The following SPAG1 variants were observed in gnomAD, a reference collection of about 807,000 sequenced individuals.
The protein encoded by SPAG1 is sperm-associated antigen 1.
Under a neutral mutation model 100.5 loss-of-function variants are expected in SPAG1, and 69 were observed. The ratio of observed to expected loss-of-function variants is 0.69; its 90% CI spans 0.57 to 0.84. SPAG1 has a LOEUF of 0.84. Ranked by LOEUF, SPAG1 falls within the 40% of genes least tolerant of loss-of-function variation. The pLI is 0.00. For synonymous variants in SPAG1, 336 were observed against 411.6 expected, an observed-to-expected ratio of 0.82 and a Z score of 2.22; for missense variants, 955 against 1,133.1, an observed-to-expected ratio of 0.84 and a Z score of 2.26.
intron 15 of SPAG1, chr8:100,233,107 C>G (rs1014604882): frequency 6.8e-6 from 2 of 295,138 alleles, no homozygotes; most frequent in African/African-American, 4.6e-5. Flanking sequence ...CTCAGCCCCA[C>G]TGAATCTGAT....
intron 10 of SPAG1, among the ~76,000 whole-genome samples, chr8:100,205,355 T>C (rs1288375292): frequency 2.0e-5 from 3 of 152,240 alleles, no homozygotes; most frequent in Non-Finnish European, 4.4e-5. Context: ...ACACTGCCTC[T>C]GAGCTGATAC....
chr8:100,168,349 A>T (rs1359023500), intron 3 of SPAG1, among the ~76,000 whole-genome samples: 1 of 151,804 alleles, frequency 6.6e-6, no homozygotes, highest in Non-Finnish European at 1.5e-5. Flanking sequence ...GTGTCTTTAC[A>T]TCCTTTGCCC....
intron 10 of SPAG1, among the ~76,000 whole-genome samples, chr8:100,199,135 T>C (rs1817158499): frequency 6.6e-6 from 1 of 152,246 alleles, no homozygotes; most frequent in Non-Finnish European, 1.5e-5. Flanking sequence ...GTGCATTATT[T>C]TGGAGTGGAA....
chr8:100,201,011 T>G (rs185143867), intron 10 of SPAG1, among the ~76,000 whole-genome samples: 1 of 152,282 alleles, frequency 6.6e-6, no homozygotes, highest in Admixed American at 6.5e-5. Flanking sequence ...TTTCAGATTT[T>G]TTTTCTTTTG....
intron 6 of SPAG1, among the ~76,000 whole-genome samples, chr8:100,184,291 CATTT>C (rs1816493515): frequency 6.6e-6 from 1 of 152,010 alleles, no homozygotes. Context: ...TACTGTAATT[CATTT>C]GTTTTTAATT....
chr8:100,240,499 G>C lies in SPAG1; in HGVS notation c.2377G>C (p.Glu793Gln), dbSNP rs770141769. 1 of 1,614,156 alleles carries C rather than the reference G, an allele frequency of 6.2e-7. No individual in the cohort carries two copies. The highest frequency in any genetic ancestry group is 8.5e-7 in the Non-Finnish European group (1 of 1,180,016). ...EKGGKSSRSPEDPEKLPIAKP... is the reference protein window; with the variant it reads ...EKGGKSSRSPQDPEKLPIAKP... ...GGGAGGCAAAAGCAGCAGGTCACCA[G>C]AAGACCCTGAGAAACTTCCGATAGC... Residue 793 changes from glutamate (E) to glutamine (Q), a missense_variant, in exon 18 of 19, where the codon GAA becomes CAA. Glu to Gln is a conservative substitution (Grantham distance 29). Coordinates refer to ENST00000388798, the MANE Select transcript of SPAG1 (RefSeq NM_003114.5).
intron 10 of SPAG1, among the ~76,000 whole-genome samples, chr8:100,195,119 G>A (rs962759468): frequency 1.3e-5 from 2 of 151,164 alleles, no homozygotes; most frequent in Non-Finnish European, 1.5e-5. Context: ...GAGCCAAGAT[G>A]GTGCCATTGC....
At position 100,240,761 on chromosome 8, in the gene SPAG1, A is replaced by C; in HGVS notation, c.2639A>C (p.Glu880Ala). 6.3e-7 allele frequency: 1 copy of C among 1,596,722 alleles called. No homozygotes were observed. The highest frequency in any genetic ancestry group is 8.5e-7 in the Non-Finnish European group (1 of 1,173,798). Residue 880 changes from glutamate to alanine, a missense_variant, in exon 18 of 19, where the codon GAA becomes GCA. Glu to Ala is a moderately radical substitution (Grantham distance 107). Transcript: ENST00000388798. ...YQHLLYLSKA[E>A]RFKMMLTLIS... ...CATCTTTTATACCTGAGTAAAGCAG[A>C]AAGGTTTAAGGTAAGTGGCTAAGTA...
At chr8:100,184,505 T>G in intron 6 of SPAG1, 123 bp from the exon 7 acceptor site, 1 of 510,852 alleles carries the variant, frequency 2.0e-6, no homozygotes. Flanking sequence ...TTTATTTTCT[T>G]TTGTTTATTT....
intron 10 of SPAG1, among the ~76,000 whole-genome samples, chr8:100,210,179 C>T (rs1817663688): frequency 6.8e-6 from 1 of 147,940 alleles, no homozygotes; most frequent in South Asian, 2.2e-4. Context: ...ACTTCTATTC[C>T]TAGTTTTCTG....
chr8:100,222,168 A>G (rs1399748308), intron 13 of SPAG1, among the ~76,000 whole-genome samples: 1 of 152,078 alleles, frequency 6.6e-6, no homozygotes, highest in Non-Finnish European at 1.5e-5. Context: ...CTTCTCATCT[A>G]TCAGGAGAGG....
intron 14 of SPAG1, among the ~76,000 whole-genome samples, chr8:100,226,780 T>C (rs1266058657): frequency 1.3e-5 from 2 of 152,124 alleles, no homozygotes; most frequent in African/African-American, 2.4e-5. Flanking sequence ...AAGACTGATA[T>C]GTTTAAAATA....
At chr8:100,165,696 A>G (rs1467211743) in intron 2 of SPAG1, 118 bp from the exon 3 acceptor site, 11 of 672,910 alleles carry the variant, frequency 1.6e-5, no homozygotes, top group Non-Finnish European at 2.5e-6. Flanking sequence ...GAGACTGGGA[A>G]GCAGCCCTTG....
intron 8 of SPAG1, among the ~76,000 whole-genome samples, chr8:100,190,306 CTG>C (rs1816759567): frequency 7.0e-6 from 1 of 142,034 alleles, no homozygotes; most frequent in Non-Finnish European, 1.5e-5. Context: ...GAGCAAGACT[CTG>C]TCTCAAAAAA....
At chr8:100,221,668 T>C (rs2919469) in intron 13 of SPAG1, among the ~76,000 whole-genome samples, 103,243 of 152,108 alleles carry the variant, frequency 0.68, 35,764 homozygotes, top group African/African-American at 0.83. Context: ...CAGCAGTTTA[T>C]CTCCAGGCTC....
At chr8:100,209,248 A>G (rs1022331226) in intron 10 of SPAG1, among the ~76,000 whole-genome samples, 2 of 151,728 alleles carry the variant, frequency 1.3e-5, no homozygotes, top group Non-Finnish European at 1.5e-5. Flanking sequence ...TAGACAGCCT[A>G]TTGTGGGACC....
At chr8:100,200,148 C>A (rs1817211591) in intron 10 of SPAG1, among the ~76,000 whole-genome samples, 1 of 152,148 alleles carries the variant, frequency 6.6e-6, no homozygotes, top group Non-Finnish European at 1.5e-5. Context: ...TTCCTGTGTC[C>A]AAGTGTTCTC....
intron 13 of SPAG1, among the ~76,000 whole-genome samples, chr8:100,222,388 T>C (rs1818324526): frequency 6.6e-6 from 1 of 152,228 alleles, no homozygotes; most frequent in Admixed American, 6.5e-5. Flanking sequence ...ATTGTGTTTT[T>C]TCATCTTTGT....
In SPAG1 at chr8:100,213,387, C is replaced by A; in HGVS notation, c.1394C>A (p.Ala465Asp). The A allele has an allele frequency of 6.9e-7, 1 of 1,449,494 alleles. No individual in the cohort carries two copies. Among genetic ancestry groups the A allele is most frequent in the Non-Finnish European group, 9.1e-7 (1 of 1,099,440 alleles). The allele number at this position is 1,449,494 out of a possible 1,614,324, so 89.8% of individuals were successfully genotyped here. A position where few individuals can be genotyped will look rare whatever the true frequency, so the allele number is the denominator to read the frequency against. Reference sequence around the variant, plus strand: ...CGAAGCGGGCAGTTCGCCGAGGCGGCCGGCAAGTACTCGGCGGCAATCGCG... The same window carrying A: ...CGAAGCGGGCAGTTCGCCGAGGCGGACGGCAAGTACTCGGCGGCAATCGCG... ...LFRSGQFAEAAGKYSAAIALL... is the reference protein window; with the variant it reads ...LFRSGQFAEADGKYSAAIALL... Residue 465 changes from alanine to aspartate, a missense_variant, in exon 11 of 19, where the codon GCC becomes GAC. By Grantham distance (126) the Ala-to-Asp change is moderately radical. Transcript: ENST00000388798.
Sources: gnomAD v4.1 joint callset for allele counts (sites outside exome capture counted in the v4.1 genomes callset) on GRCh38, gnomAD v4.1.1 for gene constraint, MANE v1.5 for transcripts, NCBI Gene and HGNC (gene_info 2026-07-23, HGNC 2026-07-21) for gene names.